PCDHGA6: variants seen among roughly 807,000 people sequenced by gnomAD.
The protein encoded by PCDHGA6 is protocadherin gamma subfamily A, 6.
PCDHGA6 carries 41 observed loss-of-function variants against 60.6 expected under a neutral mutation model. The ratio of observed to expected loss-of-function variants is 0.68; its 90% CI spans 0.53 to 0.88. The LOEUF (loss-of-function observed/expected upper bound fraction) is 0.88, where lower values mean the gene tolerates loss of function less well. Ranked by LOEUF, PCDHGA6 falls within the 40% of genes least tolerant of loss-of-function variation. The probability of loss-of-function intolerance (pLI) is 0.00; values close to 1 mark genes in which losing one functional copy is unlikely to be tolerated. For missense variants in PCDHGA6, 1,312 were observed against 1,203.0 expected, an observed-to-expected ratio of 1.09 and a Z score of -1.34; for synonymous variants, 594 against 524.4, an observed-to-expected ratio of 1.13 and a Z score of -1.81.
chr5:141,511,129 G>A lies in PCDHGA6; in HGVS notation c.2755G>A (p.Gly919Ser). ...GCGGGATGGCAAGGCCCCAGCAGGT[G>A]GCAATGGCAACAAGAAGAAGTCGGG... ...GKRDGKAPAGGNGNKKKSGKK... is the reference protein window; with the variant it reads ...GKRDGKAPAGSNGNKKKSGKK... Residue 919 changes from glycine to serine, a missense_variant, in exon 4 of 4, where the codon GGC becomes AGC. By Grantham distance (56) the Gly-to-Ser change is moderately conservative. Coordinates refer to ENST00000517434, the MANE Select transcript of PCDHGA6 (RefSeq NM_018919.3). 1 of 1,614,204 alleles carries A rather than the reference G, an allele frequency of 6.2e-7. No individual in the cohort carries two copies. Among genetic ancestry groups the A allele is most frequent in the Non-Finnish European group, 8.5e-7 (1 of 1,180,014 alleles).
chr5:141,488,450 C>T (rs2154581002), intron 1 of PCDHGA6, among the ~76,000 whole-genome samples: 1 of 152,314 alleles, frequency 6.6e-6, no homozygotes, highest in East Asian at 1.9e-4. Context: ...TCCTGGGTGA[C>T]CTGATTCAGC....
At chr5:141,424,784 C>T (rs1351935601) in intron 1 of PCDHGA6, 2 of 152,062 alleles carry the variant, frequency 1.3e-5, no homozygotes, top group Non-Finnish European at 2.9e-5. Context: ...ACATTCAGTT[C>T]TTTTATTCAG....
intron 1 of PCDHGA6, chr5:141,404,622 A>G (rs1182540384): frequency 9.9e-6 from 16 of 1,614,156 alleles, no homozygotes; most frequent in Non-Finnish European, 1.4e-5. Flanking sequence ...GACCAGAATG[A>G]CAATGCCCCA....
chr5:141,494,936 G>C, intron 2 of PCDHGA6, 71 bp downstream of exon 2: 1 of 1,612,574 alleles, frequency 6.2e-7, no homozygotes, highest in South Asian at 1.1e-5. Flanking sequence ...GGAGGAGATG[G>C]GGGAGGGCCC....
intron 1 of PCDHGA6, among the ~76,000 whole-genome samples, chr5:141,466,540 G>T (rs1302720337): frequency 6.6e-6 from 1 of 152,094 alleles, no homozygotes; most frequent in Non-Finnish European, 1.5e-5. Context: ...GATGTAGATG[G>T]TCTTTTGCTG....
Position 141,373,932 on chromosome 5 carries a change from C to A in PCDHGA6, c.-152C>A. ...CAACAAAGCAAATTAGACGGGAAAGCAGGAAAGCTGTGCAGAAATTCTGAC... is the reference window on the plus strand; with the variant it reads ...CAACAAAGCAAATTAGACGGGAAAGAAGGAAAGCTGTGCAGAAATTCTGAC... On this transcript the variant is annotated 5_prime_UTR_variant, in exon 1 of 4. Transcript: ENST00000517434. 2.9e-6 allele frequency: 2 copies of A among 688,010 alleles called. No homozygotes were observed. The highest frequency in any genetic ancestry group is 4.5e-6 in the Non-Finnish European group (2 of 447,726). 42.6% of individuals were successfully genotyped at this position (688,010 alleles called of 1,614,324 possible). A position where few individuals can be genotyped will look rare whatever the true frequency, so the allele number is the denominator to read the frequency against.
At position 141,432,818 on chromosome 5, in the gene PCDHGA6, T is replaced by C. The variant is rs370597280; in HGVS notation, c.2424+56311T>C. On this transcript the variant is annotated intron_variant, in intron 1 of 3. Transcript: ENST00000517434. This position sits in a 1 kb window ranked among gnomAD's most constrained non-coding sequence, Gnocchi z 6.0. The stretch of plus-strand genomic sequence containing the variant: ...CGAGTCTCCAGCTAACTCTGAAACC[T>C]CAGACCTCACTCTGTACCTGGTGGT... 9.9e-6 allele frequency: 16 copies of C among 1,614,106 alleles called. No individual in the cohort carries two copies. The highest frequency in any genetic ancestry group is 1.4e-5 in the Non-Finnish European group (16 of 1,179,986).
chr5:141,451,408 T>C (rs1244686397), intron 1 of PCDHGA6, among the ~76,000 whole-genome samples: 1 of 152,204 alleles, frequency 6.6e-6, no homozygotes, highest in Non-Finnish European at 1.5e-5. Flanking sequence ...ATTAAGTTCC[T>C]TGTGGATTGT....
intron 1 of PCDHGA6, among the ~76,000 whole-genome samples, chr5:141,402,740 C>A (rs2094301178): frequency 6.6e-6 from 1 of 152,146 alleles, no homozygotes; most frequent in Non-Finnish European, 1.5e-5. Context: ...CGCTGTTGAT[C>A]AACTCTAAGC....
chr5:141,379,520 C>T (rs1262594059), intron 1 of PCDHGA6: 1 of 152,194 alleles, frequency 6.6e-6, no homozygotes, highest in East Asian at 1.9e-4. Context: ...ACATCTTGAG[C>T]ATTTGTTGTT....
chr5:141,419,378 G>C (rs777509820), intron 1 of PCDHGA6: 3 of 1,613,712 alleles, frequency 1.9e-6, no homozygotes, highest in Admixed American at 3.3e-5. Context: ...CTACGTGTCC[G>C]TGAGCGCGCA....
chr5:141,480,390 T>C (rs753766736), intron 1 of PCDHGA6, among the ~76,000 whole-genome samples: 14 of 151,350 alleles, frequency 9.3e-5, no homozygotes, highest in Non-Finnish European at 1.9e-4. Flanking sequence ...ACTTCAACCA[T>C]GGCAATAGAG....
intron 1 of PCDHGA6, chr5:141,394,850 G>A (rs778925348): frequency 1.1e-5 from 17 of 1,613,702 alleles, no homozygotes; most frequent in Non-Finnish European, 1.4e-5. Context: ...GCAGTCTGAA[G>A]CCTTCGGTCG....
intron 1 of PCDHGA6, among the ~76,000 whole-genome samples, chr5:141,460,961 A>ATATGTGTGTGTG (rs1463306338): frequency 4.1e-5 from 6 of 144,616 alleles, no homozygotes; most frequent in Admixed American, 1.4e-4. Flanking sequence ...GTATATATAT[A>ATATGTGTGTGTG]TGTGTGTGTG....
At chr5:141,419,623 G>A in intron 1 of PCDHGA6, 1 of 1,612,328 alleles carries the variant, frequency 6.2e-7, no homozygotes, top group East Asian at 2.2e-5. Context: ...GCTACCTGGT[G>A]ACCAAGGTGG....
intron 1 of PCDHGA6, chr5:141,395,463 C>G (rs1164636639): frequency 6.9e-6 from 4 of 582,400 alleles, no homozygotes; most frequent in African/African-American, 5.7e-5. Flanking sequence ...CCATTTTAAG[C>G]CTTCCAGTAT....
intron 1 of PCDHGA6, chr5:141,404,701 G>C (rs563319884): frequency 1.2e-6 from 2 of 1,613,956 alleles, no homozygotes; most frequent in Non-Finnish European, 1.7e-6. Context: ...GCTCTGCAGA[G>C]CCTGGCTACC....
intron 1 of PCDHGA6, among the ~76,000 whole-genome samples, chr5:141,400,971 C>T (rs1161811260): frequency 6.6e-6 from 1 of 152,138 alleles, no homozygotes; most frequent in African/African-American, 2.4e-5. Flanking sequence ...TCATCTCTTT[C>T]TTATGTTCCT....
chr5:141,511,359 T>C lies in PCDHGA6; in HGVS notation c.*186T>C. The stretch of plus-strand genomic sequence containing the variant: ...CACCTACCCCTTCCCCCCCAGGGGG[T>C]TGAATATGCAAAAGCAGTTCCGCTG... On this transcript the variant is annotated 3_prime_UTR_variant, in exon 4 of 4. Coordinates refer to ENST00000517434, the MANE Select transcript of PCDHGA6 (RefSeq NM_018919.3). The C allele has an allele frequency of 2.2e-6, 3 of 1,339,338 alleles. No homozygotes were observed. In the South Asian group the frequency reaches 4.6e-5, roughly 20 times the overall value. The allele number at this position is 1,339,338 out of a possible 1,614,324, so 83.0% of individuals were successfully genotyped here. A position where few individuals can be genotyped will look rare whatever the true frequency, so the allele number is the denominator to read the frequency against.
Sources: gnomAD v4.1 joint callset for allele counts (sites outside exome capture counted in the v4.1 genomes callset) on GRCh38, gnomAD v4.1.1 for gene constraint, Gnocchi (gnomAD v3.1) non-coding constraint, MANE v1.5 for transcripts, NCBI Gene and HGNC (gene_info 2026-07-23, HGNC 2026-07-21) for gene names.